NTM: variants seen among roughly 807,000 people sequenced by gnomAD.
The protein encoded by NTM is neurotrimin.
A neutral mutation model predicts 42.1 loss-of-function variants in NTM; 13 were observed. The observed-to-expected ratio is 0.31, with a 90% confidence interval of 0.20 to 0.49. NTM has a LOEUF of 0.49. Among genes scored for constraint, NTM ranks in the 20% least tolerant of loss-of-function variants. NTM has a pLI of 0.99. For synonymous variants in NTM, 187 were observed against 179.2 expected, an observed-to-expected ratio of 1.04 and a Z score of -0.35; for missense variants, 373 against 452.8, an observed-to-expected ratio of 0.82 and a Z score of 1.60.
chr11:131,545,512 C>A (rs574119333), intron 1 of NTM, among the ~76,000 whole-genome samples: 1 of 152,224 alleles, frequency 6.6e-6, no homozygotes, highest in Admixed American at 6.5e-5. Context: ...ATCCATCCAC[C>A]CATTTATTCC....
At chr11:132,290,089 C>T (rs1241333037) in intron 4 of NTM, among the ~76,000 whole-genome samples, 1 of 152,168 alleles carries the variant, frequency 6.6e-6, no homozygotes, top group Admixed American at 6.5e-5. Context: ...CACAAGCTTC[C>T]TGCTATTGTT....
At chr11:132,177,312 T>C (rs551366306) in intron 3 of NTM, among the ~76,000 whole-genome samples, 1 of 152,330 alleles carries the variant, frequency 6.6e-6, no homozygotes, top group East Asian at 1.9e-4. Flanking sequence ...ACAGAAACTC[T>C]TTTTCATTCA....
At chr11:132,218,566 AG>A (rs1354447027) in intron 4 of NTM, among the ~76,000 whole-genome samples, 1 of 152,156 alleles carries the variant, frequency 6.6e-6, no homozygotes, top group African/African-American at 2.4e-5. Flanking sequence ...CTCTCTACCT[AG>A]GGTATCTCCT....
intron 2 of NTM, among the ~76,000 whole-genome samples, chr11:132,039,658 G>A (rs2082919284): frequency 6.6e-6 from 1 of 152,094 alleles, no homozygotes; most frequent in South Asian, 2.1e-4. Flanking sequence ...ATGAGGCTGG[G>A]AACTTAATGG....
At position 131,653,039 on chromosome 11, in the gene NTM, C is replaced by G. The variant is rs1000415255; in HGVS notation, c.83-258525C>G. ...GACTGTAGCATGATTACAGCCACCC[C>G]GCTATTTGACGAGCTGCTGCAATTT... On this transcript the variant is annotated intron_variant, in intron 1 of 8. Transcript: ENST00000683400. 2.0e-5 allele frequency among the ~76,000 whole-genome samples: 3 copies of G among 152,314 alleles called. No homozygotes were observed. The South Asian group carries it at 6.2e-4, about 32-fold the overall frequency.
rs7950497 is a variant in NTM at position 132,320,912 on chromosome 11, C to A, written c.934+6209C>A. Reference sequence around the variant, plus strand: ...AACTGGGAGGCACCCCCCAGCAGGGCCACACTGACACCTCACACTGCAGGG... The same window carrying A: ...AACTGGGAGGCACCCCCCAGCAGGGACACACTGACACCTCACACTGCAGGG... On this transcript the variant is annotated intron_variant, in intron 7 of 8. Transcript: ENST00000683400. 6.7e-5 allele frequency among the ~76,000 whole-genome samples: 10 copies of A among 149,474 alleles called. No individual in the cohort carries two copies. The East Asian group carries it at 1.4e-3, about 20-fold the overall frequency.
At chr11:131,605,830 A>G (rs1193916293) in intron 1 of NTM, 1 of 984,510 alleles carries the variant, frequency 1.0e-6, no homozygotes, top group Non-Finnish European at 1.2e-6. Flanking sequence ...CCTATTTCTA[A>G]CTGCCTGGAA....
chr11:131,471,117 G>A (rs1259746652), intron 1 of NTM, among the ~76,000 whole-genome samples: 2 of 152,168 alleles, frequency 1.3e-5, no homozygotes, highest in Non-Finnish European at 2.9e-5. Flanking sequence ...GAAGCTCACA[G>A]ACATGTTATT....
intron 2 of NTM, among the ~76,000 whole-genome samples, chr11:131,930,619 A>C (rs992686504): frequency 1.3e-5 from 2 of 152,172 alleles, no homozygotes; most frequent in African/African-American, 4.8e-5. Context: ...TACCTGTGAA[A>C]GTTTCTGCAC....
chr11:131,676,403 G>A lies in NTM; in HGVS notation c.83-235161G>A, dbSNP rs76545472. ...GCTACCCAAAGAAGTGAAGGGCTGC[G>A]TTGGAGTTTTTCTAGCACTGAGGGT... On this transcript the variant is annotated intron_variant, in intron 1 of 8. Coordinates refer to ENST00000683400, the MANE Select transcript of NTM (RefSeq NM_001352005.2). 9.8e-5 allele frequency among the ~76,000 whole-genome samples: 15 copies of A among 152,302 alleles called. No individual in the cohort carries two copies. The East Asian group carries it at 2.1e-3, about 22-fold the overall frequency.
intron 1 of NTM, among the ~76,000 whole-genome samples, chr11:131,729,297 A>G: frequency 6.6e-6 from 1 of 152,168 alleles, no homozygotes; most frequent in Non-Finnish European, 1.5e-5. Context: ...TTTGAGAAAT[A>G]TTGGTACAGT....
intron 1 of NTM, among the ~76,000 whole-genome samples, chr11:131,507,665 G>A (rs1220744538): frequency 3.5e-4 from 51 of 147,568 alleles, no homozygotes; most frequent in East Asian, 3.4e-3. Flanking sequence ...CCATTTTCAC[G>A]ATATTGATTC....
chr11:131,881,092 C>T (rs909006796), intron 1 of NTM, among the ~76,000 whole-genome samples: 1 of 152,154 alleles, frequency 6.6e-6, no homozygotes, highest in African/African-American at 2.4e-5. Flanking sequence ...GTCTGCTTTC[C>T]TACACAAATG....
At chr11:131,971,207 C>A (rs1227421102) in intron 2 of NTM, among the ~76,000 whole-genome samples, 3 of 152,196 alleles carry the variant, frequency 2.0e-5, no homozygotes, top group Non-Finnish European at 4.4e-5. Flanking sequence ...CATCTGCATG[C>A]ATCTCCAACA....
At chr11:131,440,810 C>G (rs1949549219) in intron 1 of NTM, among the ~76,000 whole-genome samples, 1 of 92,746 alleles carries the variant, frequency 1.1e-5, no homozygotes, top group East Asian at 3.0e-4. Flanking sequence ...CTCACCACAG[C>G]CTCCATAAAA....
intron 1 of NTM, among the ~76,000 whole-genome samples, chr11:131,764,315 C>T (rs938364289): frequency 3.9e-5 from 6 of 152,098 alleles, no homozygotes; most frequent in East Asian, 1.9e-4. Context: ...CAGATGGAAC[C>T]GGTCTCTTTT....
chr11:131,487,807 C>T (rs542460324), intron 1 of NTM, among the ~76,000 whole-genome samples: 5 of 152,270 alleles, frequency 3.3e-5, no homozygotes, highest in South Asian at 4.1e-4. Flanking sequence ...GTCCGCCTGC[C>T]GGATCTCTAG....
chr11:131,692,356 C>T (rs901124007), intron 1 of NTM, among the ~76,000 whole-genome samples: 1 of 152,078 alleles, frequency 6.6e-6, no homozygotes, highest in South Asian at 2.1e-4. Context: ...AGCCTATCTC[C>T]CATGCACATC....
At chr11:131,745,033 G>C (rs1017158797) in intron 1 of NTM, among the ~76,000 whole-genome samples, 3 of 152,174 alleles carry the variant, frequency 2.0e-5, no homozygotes, top group African/African-American at 7.2e-5. Flanking sequence ...AGCCGCTTGT[G>C]GTGTTTATAA....
Sources: allele counts gnomAD v4.1 joint callset (sites outside exome capture counted in the v4.1 genomes callset), GRCh38; gene constraint gnomAD v4.1.1; transcripts MANE v1.5; gene names NCBI Gene and HGNC (gene_info 2026-07-23, HGNC 2026-07-21).